SEPTIN11: variants seen among roughly 807,000 people sequenced by gnomAD.
SEPTIN11 encodes the protein septin-11.
In SEPTIN11, 25 loss-of-function variants were observed where a neutral mutation model predicts 51.4. The observed-to-expected ratio is 0.49, with a 90% CI of 0.35 to 0.68. The LOEUF (loss-of-function observed/expected upper bound fraction) is 0.68, where lower values mean the gene tolerates loss of function less well. Among genes scored for constraint, SEPTIN11 ranks in the 30% least tolerant of loss-of-function variants. The pLI is 0.00. For missense variants in SEPTIN11, 381 were observed against 520.8 expected, an observed-to-expected ratio of 0.73 and a Z score of 2.61; for synonymous variants, 174 against 184.1, an observed-to-expected ratio of 0.95 and a Z score of 0.44.
chr4:76,951,369 T>C (rs1417455792), intron 1 of SEPTIN11, among the ~76,000 whole-genome samples: 2 of 152,230 alleles, frequency 1.3e-5, no homozygotes, highest in African/African-American at 4.8e-5. Context: ...ACATGGCTCT[T>C]TTAAGAATTC....
chr4:77,010,478 C>A (rs1408538921), intron 3 of SEPTIN11, among the ~76,000 whole-genome samples: 8 of 147,658 alleles, frequency 5.4e-5, no homozygotes, highest in African/African-American at 2.0e-4. Context: ...TTTTTAAAGC[C>A]TCTAGAGATT....
At chr4:76,980,643 T>G (rs1259072147) in intron 1 of SEPTIN11, among the ~76,000 whole-genome samples, 1 of 152,194 alleles carries the variant, frequency 6.6e-6, no homozygotes, top group African/African-American at 2.4e-5. Flanking sequence ...AGGCTTGGAT[T>G]TTTCTCAAAT....
At chr4:77,030,694 C>A in intron 8 of SEPTIN11, 89 bp from the exon 9 acceptor site, 1 of 1,247,822 alleles carries the variant, frequency 8.0e-7, no homozygotes, top group East Asian at 2.6e-5. Context: ...CGTGCCTGGC[C>A]ATGTTTTGTT....
At chr4:77,033,483 T>A (rs1726818848) in intron 9 of SEPTIN11, among the ~76,000 whole-genome samples, 1 of 152,198 alleles carries the variant, frequency 6.6e-6, no homozygotes, top group Non-Finnish European at 1.5e-5. Flanking sequence ...GCTTTATACT[T>A]CTCCTTGACC....
At chr4:77,039,096 G>T (rs1180177260), downstream of SEPTIN11, 1 of 1,289,096 alleles carries the variant, frequency 7.8e-7, no homozygotes, top group Non-Finnish European at 1.0e-6. Context: ...TAACCATCCT[G>T]TTGACAAGCC....
At chr4:76,987,759 C>A (rs996547547) in intron 1 of SEPTIN11, 1 of 745,498 alleles carries the variant, frequency 1.3e-6, no homozygotes, top group Non-Finnish European at 1.6e-6. Flanking sequence ...GGTGGTCAGT[C>A]AAAGATTTTG....
intron 7 of SEPTIN11, chr4:77,021,678 C>G (rs1190998631): frequency 6.6e-6 from 1 of 152,342 alleles, no homozygotes; most frequent in African/African-American, 2.4e-5. Flanking sequence ...GGAAAAAAAA[C>G]CTGTCTTTCT....
rs540669224 is a variant in SEPTIN11, at chr4:77,002,707, C to T, written c.143-2894C>T. Among the ~76,000 whole-genome samples the T allele has an allele frequency of 2.0e-5, 3 of 151,172 alleles. No individual in the cohort carries two copies. The East Asian group carries it at 5.8e-4, about 29-fold the overall frequency. The stretch of plus-strand genomic sequence containing the variant: ...TTAAGCCATGAATGGTGAGTGTGAA[C>T]TTGTTAAACTCTTTCAGGTTAGGGA... On this transcript the variant is annotated intron_variant, in intron 2 of 9. Transcript: ENST00000264893.
In SEPTIN11 at chr4:77,020,489, C is replaced by G. The variant is rs768647114; in HGVS notation, c.785-13C>G. On this transcript the variant is annotated splice_polypyrimidine_tract_variant and intron_variant, in intron 6 of 9. Transcript: ENST00000264893. ...GCTAATCCCACTTCCGCCATTTCCC[C>G]CCTCTCTTGTAGTTGAGAATGAAAA... is the stretch of plus-strand genomic sequence containing the variant. 1.9e-6 allele frequency: 3 copies of G among 1,612,880 alleles called. No homozygotes were observed. The highest frequency in any genetic ancestry group is 1.3e-5 in the African/African-American group (1 of 75,002).
chr4:76,979,825 C>T (rs1421069073), intron 1 of SEPTIN11, among the ~76,000 whole-genome samples: 1 of 149,482 alleles, frequency 6.7e-6, no homozygotes, highest in Non-Finnish European at 1.5e-5. Context: ...AAAGAGGTTG[C>T]AGTGAGCCGA....
At chr4:77,032,189 C>A (rs1326494104) in intron 9 of SEPTIN11, 1 of 149,888 alleles carries the variant, frequency 6.7e-6, no homozygotes, top group Non-Finnish European at 1.5e-5. Flanking sequence ...TCATGCTTTA[C>A]AAACTGACAT....
intron 4 of SEPTIN11, 142 bp downstream of exon 4, chr4:77,012,063 T>G (rs1485470758): frequency 4.2e-5 from 20 of 478,598 alleles, no homozygotes; most frequent in Non-Finnish European, 7.0e-5. Context: ...GAAAAACGCT[T>G]CAAAACCTCT....
intron 9 of SEPTIN11, among the ~76,000 whole-genome samples, chr4:77,032,343 T>C (rs1560752648): frequency 6.6e-6 from 1 of 152,188 alleles, no homozygotes; most frequent in Non-Finnish European, 1.5e-5. Context: ...AAAATTTAGT[T>C]ATGCTGGATT....
chr4:77,031,058 A>G, intron 9 of SEPTIN11, 88 bp downstream of exon 9: 1 of 1,215,510 alleles, frequency 8.2e-7, no homozygotes, highest in Non-Finnish European at 1.2e-6. Context: ...CAGACTGGAA[A>G]CTGGTCCTTT....
intron 1 of SEPTIN11, among the ~76,000 whole-genome samples, chr4:76,993,058 G>T (rs1723468228): frequency 6.6e-6 from 1 of 151,444 alleles, no homozygotes; most frequent in Admixed American, 6.6e-5. Flanking sequence ...GAGGGAGGAA[G>T]TATTAGAGAG....
intron 7 of SEPTIN11, among the ~76,000 whole-genome samples, chr4:77,022,885 T>C (rs566878330): frequency 0.045 from 6,905 of 152,256 alleles, 242 homozygotes; most frequent in East Asian, 0.096. Flanking sequence ...GTTTGCCACT[T>C]AGGTCTTTCC....
chr4:76,963,389 C>T (rs931477666), intron 1 of SEPTIN11, among the ~76,000 whole-genome samples: 1 of 152,196 alleles, frequency 6.6e-6, no homozygotes, highest in South Asian at 2.1e-4. Flanking sequence ...TATTATTCTT[C>T]ACCCAACACC....
At chr4:76,963,010 A>G (rs1392128448) in intron 1 of SEPTIN11, among the ~76,000 whole-genome samples, 1 of 152,216 alleles carries the variant, frequency 6.6e-6, no homozygotes, top group Non-Finnish European at 1.5e-5. Flanking sequence ...CATTCCAGCT[A>G]TCCTTTGCTA....
chr4:76,995,849 G>C (rs1184478061), intron 1 of SEPTIN11: 2 of 1,535,394 alleles, frequency 1.3e-6, no homozygotes, highest in African/African-American at 2.7e-5. Flanking sequence ...AGGGTGAAGA[G>C]GGGGAAGAAG....
Sources: gnomAD v4.1 joint callset for allele counts (sites outside exome capture counted in the v4.1 genomes callset) on GRCh38, gnomAD v4.1.1 for gene constraint, MANE v1.5 for transcripts, NCBI Gene and HGNC (gene_info 2026-07-23, HGNC 2026-07-21) for gene names.